The following SKI variants were observed in gnomAD, a reference collection of about 807,000 sequenced individuals.
SKI encodes ski oncogene.
Under a neutral mutation model 59.3 loss-of-function variants are expected in SKI, and 23 were observed. The ratio of observed to expected loss-of-function variants is 0.39; its 90% CI spans 0.28 to 0.55. The LOEUF (loss-of-function observed/expected upper bound fraction) is 0.55. Ranked by LOEUF, SKI falls within the 20% of genes least tolerant of loss-of-function variation. SKI has a pLI of 0.67. For synonymous variants in SKI, 673 were observed against 488.6 expected (o/e 1.38, Z -4.98); for missense variants, 1,017 against 1,038.9 (o/e 0.98, Z 0.29).
chr1:2,264,073 T>C (rs1341006170), intron 1 of SKI, among the ~76,000 whole-genome samples: 1 of 152,114 alleles, frequency 6.6e-6, no homozygotes, highest in Non-Finnish European at 1.5e-5. Context: ...AGAGTGTTTT[T>C]TGTGGGAAGA....
intron 1 of SKI, among the ~76,000 whole-genome samples, chr1:2,284,473 A>G (rs1011404548): frequency 4.6e-5 from 7 of 152,332 alleles, no homozygotes; most frequent in South Asian, 2.1e-4. Context: ...CGTGTGAAGT[A>G]GAGATTGTCT....
intron 1 of SKI, among the ~76,000 whole-genome samples, chr1:2,292,281 T>TCGGGCTTTTGGAGTTTGTC (rs1640178315): frequency 6.6e-6 from 1 of 152,194 alleles, no homozygotes; most frequent in South Asian, 2.1e-4. Context: ...CTTTTGGGGT[T>TCGGGCTTTTGGAGTTTGTC]CGGGCTTTTG....
At chr1:2,247,242 G>A (rs925051070) in intron 1 of SKI, among the ~76,000 whole-genome samples, 3 of 152,134 alleles carry the variant, frequency 2.0e-5, no homozygotes, top group Admixed American at 6.5e-5. Context: ...ACAAAAAAGG[G>A]AGCCGTGGGC....
At chr1:2,246,953 T>C (rs1639013239) in intron 1 of SKI, among the ~76,000 whole-genome samples, 2 of 152,204 alleles carry the variant, frequency 1.3e-5, no homozygotes. Context: ...CCGGGCACGG[T>C]GGCTCACGCC....
At chr1:2,243,702 C>A (rs995281660) in intron 1 of SKI, among the ~76,000 whole-genome samples, 7 of 152,148 alleles carry the variant, frequency 4.6e-5, no homozygotes, top group African/African-American at 1.7e-4. Flanking sequence ...TAAACGAGTT[C>A]TCTGCTGCAT....
intron 1 of SKI, among the ~76,000 whole-genome samples, chr1:2,293,845 G>A (rs1532385): frequency 0.47 from 71,916 of 152,098 alleles, 17,694 homozygotes; most frequent in East Asian, 0.7. Flanking sequence ...GAGCAGGCCT[G>A]TGGCTGCAGG....
intron 1 of SKI, among the ~76,000 whole-genome samples, chr1:2,251,691 G>A (rs2100824092): frequency 6.6e-6 from 1 of 152,346 alleles, no homozygotes; most frequent in East Asian, 1.9e-4. Context: ...TGTCACTGGT[G>A]GAACCCAATG....
At chr1:2,288,798 G>A (rs965107984) in intron 1 of SKI, among the ~76,000 whole-genome samples, 1 of 152,154 alleles carries the variant, frequency 6.6e-6, no homozygotes, top group Non-Finnish European at 1.5e-5. Flanking sequence ...TGATAGTGGG[G>A]GTGGGGACCT....
intron 1 of SKI, among the ~76,000 whole-genome samples, chr1:2,289,069 G>T (rs1267307824): frequency 6.6e-6 from 1 of 152,214 alleles, no homozygotes; most frequent in African/African-American, 2.4e-5. Context: ...GGGAAGTGGA[G>T]CTGGGGGAAG....
Position 2,303,909 on chromosome 1 carries a change from G to C in SKI, c.1281G>C (p.Gln427His), listed in dbSNP as rs1162710249. ...PNVALAPPAQ[Q>H]KVVSSPPCAA... is the part of the protein sequence containing the mutation. ...TGGCCCTCGCACCGCCGGCCCAGCA[G>C]AAGGTTGTGAGCAGCCCTCCGTGTG... is the stretch of plus-strand genomic sequence containing the variant. Residue 427 changes from glutamine (Q) to histidine (H), a missense_variant, in exon 4 of 7, where the codon CAG (glutamine) becomes CAC (histidine). Transcript: ENST00000378536. The surrounding 1 kb of genome is among the most constrained non-coding windows in gnomAD (Gnocchi z 5.6). 1 of 1,612,312 alleles carries C rather than the reference G, an allele frequency of 6.2e-7. No individual in the cohort carries two copies. The highest frequency in any genetic ancestry group is 1.1e-5 in the South Asian group (1 of 91,056).
intron 1 of SKI, among the ~76,000 whole-genome samples, chr1:2,275,571 T>C (rs1328586132): frequency 6.6e-6 from 1 of 152,106 alleles, no homozygotes; most frequent in African/African-American, 2.4e-5. Flanking sequence ...TGGAGTGCAG[T>C]GGCGCGATCT....
chr1:2,250,356 C>T (rs533908689), intron 1 of SKI, among the ~76,000 whole-genome samples: 50 of 152,308 alleles, frequency 3.3e-4, no homozygotes, highest in African/African-American at 1.2e-3. Context: ...AGCGTGTCCT[C>T]GAGTGTGGGG....
At chr1:2,230,864 T>C (rs1338911071) in intron 1 of SKI, among the ~76,000 whole-genome samples, 1 of 152,208 alleles carries the variant, frequency 6.6e-6, no homozygotes, top group South Asian at 2.1e-4. Flanking sequence ...CGGTTTTCTC[T>C]GGGCGCCCCT....
intron 1 of SKI, among the ~76,000 whole-genome samples, chr1:2,291,971 A>C (rs766418891): frequency 1.3e-5 from 2 of 152,242 alleles, no homozygotes; most frequent in Admixed American, 1.3e-4. Context: ...AGGTTAATTT[A>C]AGCCCAATAT....
intron 1 of SKI, among the ~76,000 whole-genome samples, chr1:2,255,727 A>G (rs1221475740): frequency 1.4e-5 from 2 of 146,450 alleles, no homozygotes; most frequent in African/African-American, 2.6e-5. Context: ...CTGTATCCTG[A>G]TATCATTTCC....
intron 1 of SKI, among the ~76,000 whole-genome samples, chr1:2,289,077 A>G (rs1640106511): frequency 6.6e-6 from 1 of 152,038 alleles, no homozygotes; most frequent in East Asian, 1.9e-4. Flanking sequence ...GAGCTGGGGG[A>G]AGGTCATGTT....
intron 1 of SKI, among the ~76,000 whole-genome samples, chr1:2,252,048 C>A (rs966869982): frequency 6.6e-6 from 1 of 152,164 alleles, no homozygotes; most frequent in Non-Finnish European, 1.5e-5. Flanking sequence ...CTCTGCACAC[C>A]TGTGGGGAGG....
At chr1:2,282,673 A>G (rs1639920101) in intron 1 of SKI, among the ~76,000 whole-genome samples, 1 of 152,064 alleles carries the variant, frequency 6.6e-6, no homozygotes, top group South Asian at 2.1e-4. Flanking sequence ...CACCCTCATG[A>G]TAGGGCCTGG....
intron 1 of SKI, among the ~76,000 whole-genome samples, chr1:2,285,219 T>C (rs1324627343): frequency 1.3e-5 from 2 of 152,048 alleles, no homozygotes; most frequent in African/African-American, 4.8e-5. Context: ...CAAATGGACT[T>C]AGATTCTTCC....
Sources: gnomAD v4.1 joint callset for allele counts (sites outside exome capture counted in the v4.1 genomes callset) on GRCh38, gnomAD v4.1.1 for gene constraint, Gnocchi (gnomAD v3.1) non-coding constraint, MANE v1.5 for transcripts, NCBI Gene and HGNC (gene_info 2026-07-23, HGNC 2026-07-21) for gene names.